Variants in DENND1A observed in about 807,000 individuals in gnomAD.
DENND1A encodes the protein DENN domain containing 1A.
In DENND1A, 51 loss-of-function variants were observed where a neutral mutation model predicts 113.7. The ratio of observed to expected loss-of-function variants is 0.45; its 90% confidence interval spans 0.36 to 0.57. DENND1A has a LOEUF of 0.57. Among genes scored for constraint, DENND1A ranks in the 20% least tolerant of loss-of-function variants. The pLI is 0.00. For missense variants in DENND1A, 1,258 were observed against 1,395.9 expected (o/e 0.90, Z 1.57); for synonymous variants, 565 against 570.8 (o/e 0.99, Z 0.14).
chr9:123,679,370 T>C (rs960395342), intron 5 of DENND1A, among the ~76,000 whole-genome samples: 2 of 152,182 alleles, frequency 1.3e-5, no homozygotes, highest in Admixed American at 6.5e-5. Context: ...TAGCCTACTA[T>C]AGATGGCACC....
intron 22 of DENND1A, among the ~76,000 whole-genome samples, chr9:123,384,430 C>G (rs1307590140): frequency 6.6e-6 from 1 of 152,236 alleles, no homozygotes; most frequent in East Asian, 1.9e-4. Context: ...AACCTTGGTT[C>G]CACCTCTGGT....
chr9:123,847,912 C>T (rs184823303), intron 2 of DENND1A, among the ~76,000 whole-genome samples: 12 of 151,962 alleles, frequency 7.9e-5, no homozygotes, highest in Non-Finnish European at 1.0e-4. Context: ...CCAGCTTGGG[C>T]GACAGAGCGA....
At chr9:123,429,644 C>G (rs2045990641) in intron 19 of DENND1A, among the ~76,000 whole-genome samples, 2 of 152,060 alleles carry the variant, frequency 1.3e-5, no homozygotes, top group South Asian at 4.1e-4. Context: ...TAGCGATATG[C>G]AGAAAATTGA....
intron 19 of DENND1A, among the ~76,000 whole-genome samples, chr9:123,419,444 G>A (rs1280113551): frequency 3.3e-5 from 5 of 152,250 alleles, no homozygotes. Context: ...AGTCAAATAC[G>A]TGGCCAGGAA....
At chr9:123,704,848 C>T (rs896679839) in intron 5 of DENND1A, among the ~76,000 whole-genome samples, 15 of 151,484 alleles carry the variant, frequency 9.9e-5, no homozygotes, top group Admixed American at 5.9e-4. Flanking sequence ...ATTAGTGAGC[C>T]GGAAGATAAA....
chr9:123,452,483 A>G, intron 16 of DENND1A, 136 bp from the exon 17 acceptor site: 1 of 712,360 alleles, frequency 1.4e-6, no homozygotes, highest in East Asian at 2.7e-5. Flanking sequence ...GGCCTGGATG[A>G]TAACTGGTCC....
At chr9:123,710,205 A>G (rs968325788) in intron 5 of DENND1A, among the ~76,000 whole-genome samples, 1 of 152,254 alleles carries the variant, frequency 6.6e-6, no homozygotes, top group African/African-American at 2.4e-5. Context: ...TCACTAATTT[A>G]AAAAGTGTGT....
At chr9:123,893,516 T>C (rs1003634964) in intron 1 of DENND1A, among the ~76,000 whole-genome samples, 1 of 152,044 alleles carries the variant, frequency 6.6e-6, no homozygotes, top group Non-Finnish European at 1.5e-5. Context: ...CCCCCACATT[T>C]TAGTCATGTT....
intron 3 of DENND1A, among the ~76,000 whole-genome samples, chr9:123,771,501 C>G (rs889700641): frequency 6.6e-6 from 1 of 152,166 alleles, no homozygotes; most frequent in Non-Finnish European, 1.5e-5. Context: ...CCAATATCAG[C>G]TACAAAGAAA....
intron 20 of DENND1A, among the ~76,000 whole-genome samples, chr9:123,409,949 G>T (rs569517622): frequency 2.2e-4 from 34 of 152,240 alleles, no homozygotes; most frequent in Middle Eastern, 3.4e-3. Context: ...AAAATTAGCC[G>T]TGCATGGTGG....
chr9:123,475,934 A>G (rs1470043398), intron 13 of DENND1A, among the ~76,000 whole-genome samples: 3 of 152,220 alleles, frequency 2.0e-5, no homozygotes, highest in Non-Finnish European at 4.4e-5. Flanking sequence ...CTGGAATCCC[A>G]GCACTTTGGG....
chr9:123,471,806 C>T (rs993209882), intron 13 of DENND1A, among the ~76,000 whole-genome samples: 3 of 152,186 alleles, frequency 2.0e-5, no homozygotes, highest in Non-Finnish European at 2.9e-5. Context: ...GCTCTGAGCA[C>T]GCTCAGTTAC....
chr9:123,750,724 A>G (rs2069945935), intron 5 of DENND1A, among the ~76,000 whole-genome samples: 1 of 152,246 alleles, frequency 6.6e-6, no homozygotes, highest in Non-Finnish European at 1.5e-5. Context: ...GTTAAACGGT[A>G]TGAAAGACCC....
At chr9:123,753,581 C>T (rs1390424886) in intron 5 of DENND1A, among the ~76,000 whole-genome samples, 1 of 152,206 alleles carries the variant, frequency 6.6e-6, no homozygotes, top group African/African-American at 2.4e-5. Context: ...AATTTACGTC[C>T]CATGACACCT....
rs549439363 is a variant in DENND1A at position 123,887,867 on chromosome 9, C to T, written c.18-8846G>A. Among the ~76,000 whole-genome samples the T allele has an allele frequency of 5.3e-5, 8 of 152,200 alleles. No homozygotes were observed. In the South Asian group the frequency reaches 1.7e-3, roughly 32 times the overall value. Reference sequence around the variant, plus strand: ...TCTTACAGTTGAAGTTAACAGAAAACCAACATGACTTATACAAAGTTGGAT... The same window carrying T: ...TCTTACAGTTGAAGTTAACAGAAAATCAACATGACTTATACAAAGTTGGAT... On this transcript the variant is annotated intron_variant, in intron 1 of 23. Coordinates refer to ENST00000394215, the MANE Select transcript of DENND1A (RefSeq NM_001352964.2).
intron 11 of DENND1A, among the ~76,000 whole-genome samples, chr9:123,586,515 C>T (rs2059171458): frequency 6.6e-6 from 1 of 152,174 alleles, no homozygotes; most frequent in Admixed American, 6.5e-5. Flanking sequence ...CCCTTAGTAA[C>T]CAAAATGCCC....
chr9:123,659,029 G>A (rs2063104664), intron 8 of DENND1A, among the ~76,000 whole-genome samples: 1 of 152,068 alleles, frequency 6.6e-6, no homozygotes, highest in East Asian at 1.9e-4. Context: ...TTCCTCTCCA[G>A]AACAGAGATA....
At chr9:123,465,273 C>T (rs1171114930) in intron 13 of DENND1A, among the ~76,000 whole-genome samples, 2 of 147,976 alleles carry the variant, frequency 1.4e-5, no homozygotes, top group African/African-American at 2.5e-5. Context: ...TACAGTGTGA[C>T]AGCTAGCACA....
intron 10 of DENND1A, among the ~76,000 whole-genome samples, chr9:123,628,348 G>A (rs1295897235): frequency 6.6e-6 from 1 of 151,794 alleles, no homozygotes; most frequent in East Asian, 1.9e-4. Context: ...CCTAGGGGCT[G>A]TGCTAGAAGC....
Sources: gnomAD v4.1 joint callset for allele counts (sites outside exome capture counted in the v4.1 genomes callset) on GRCh38, gnomAD v4.1.1 for gene constraint, MANE v1.5 for transcripts, NCBI Gene and HGNC (gene_info 2026-07-23, HGNC 2026-07-21) for gene names.